FILIP1: variants seen among roughly 807,000 people sequenced by gnomAD.
FILIP1 encodes the protein filamin-A-interacting protein 1.
A neutral mutation model predicts 102.1 loss-of-function variants in FILIP1; 61 were observed. The ratio of observed to expected loss-of-function variants is 0.60; its 90% CI spans 0.49 to 0.74. The LOEUF (loss-of-function observed/expected upper bound fraction) is 0.74. Among genes scored for constraint, FILIP1 ranks in the 30% least tolerant of loss-of-function variants. FILIP1 has a pLI of 0.00. For synonymous variants in FILIP1, 491 were observed against 526.9 expected, an observed-to-expected ratio of 0.93 and a Z score of 0.93; for missense variants, 1,314 against 1,441.2, an observed-to-expected ratio of 0.91 and a Z score of 1.43.
intron 2 of FILIP1, among the ~76,000 whole-genome samples, chr6:75,407,668 T>C (rs1052558818): frequency 6.6e-6 from 1 of 152,178 alleles, no homozygotes; most frequent in Non-Finnish European, 1.5e-5. Context: ...CAACGCCAAA[T>C]GGAATAGTGG....
Position 75,313,231 on chromosome 6 carries a change from C to T in FILIP1, c.2601G>A (p.Lys867=). The T allele has an allele frequency of 1.2e-6, 2 of 1,614,188 alleles. No individual in the cohort carries two copies. Among genetic ancestry groups the T allele is most frequent in the Middle Eastern group, 1.6e-4 (1 of 6,062 alleles). ...TCTTTCTCATCCATGGAATCCAAGA[C>T]TTTCTCATAGTGAGCTCATTTGCTG... ...PPAANELTMR[K]SWIPWMRKRE... Residue 867 remains lysine, a synonymous_variant, in exon 5 of 6, where the codon AAG becomes AAA. Transcript: ENST00000237172. The surrounding 1 kb of genome is among the most constrained non-coding windows in gnomAD (Gnocchi z 4.2).
At chr6:75,318,384 T>C (rs1259573142) in intron 4 of FILIP1, among the ~76,000 whole-genome samples, 3 of 151,872 alleles carry the variant, frequency 2.0e-5, no homozygotes, top group Admixed American at 1.3e-4. Context: ...TACAGGCACA[T>C]AGCACATGCC....
intron 2 of FILIP1, among the ~76,000 whole-genome samples, chr6:75,379,437 G>C (rs1775837637): frequency 6.6e-6 from 1 of 152,090 alleles, no homozygotes; most frequent in Non-Finnish European, 1.5e-5. Flanking sequence ...AGAGAGAGAG[G>C]TCTATCATTG....
At chr6:75,437,371 G>A (rs1381289439) in intron 1 of FILIP1, among the ~76,000 whole-genome samples, 1 of 152,214 alleles carries the variant, frequency 6.6e-6, no homozygotes, top group African/African-American at 2.4e-5. Context: ...ATTTTGAACT[G>A]CAGTCAATGT....
Position 75,362,824 on chromosome 6 carries a change from G to T in FILIP1, c.370C>A (p.Leu124Met). 1 of 1,613,838 alleles carries T rather than the reference G, an allele frequency of 6.2e-7. No individual in the cohort carries two copies. The highest frequency in any genetic ancestry group is 8.5e-7 in the Non-Finnish European group (1 of 1,180,002). Residue 124 changes from leucine (L) to methionine (M), a missense_variant, in exon 3 of 6, where the codon CTG becomes ATG. Physicochemically the swap from Leu to Met is conservative, Grantham distance 15. Transcript: ENST00000237172. Reference sequence around the variant, plus strand: ...ATGGCATCTCGGTGCAGGACCCGCAGCACTTTCTCTGGCTCCGCAGACCCG... The same window carrying T: ...ATGGCATCTCGGTGCAGGACCCGCATCACTTTCTCTGGCTCCGCAGACCCG... Reference protein sequence around the residue: ...HYGSAEPEKVLRVLHRDAILA... With the variant: ...HYGSAEPEKVMRVLHRDAILA...
intron 2 of FILIP1, among the ~76,000 whole-genome samples, chr6:75,405,909 T>C (rs534334991): frequency 1.3e-5 from 2 of 152,108 alleles, no homozygotes; most frequent in African/African-American, 2.4e-5. Context: ...AGTTTAAAAG[T>C]AGAAGGCAAA....
intron 1 of FILIP1, among the ~76,000 whole-genome samples, chr6:75,438,621 A>G (rs1202476365): frequency 1.3e-5 from 2 of 152,206 alleles, no homozygotes; most frequent in African/African-American, 4.8e-5. Context: ...ATCTTGGTGC[A>G]ATTGGATTAG....
chr6:75,412,172 G>T (rs1777094432), intron 2 of FILIP1, among the ~76,000 whole-genome samples: 1 of 152,054 alleles, frequency 6.6e-6, no homozygotes, highest in African/African-American at 2.4e-5. Context: ...TACTCTCTTT[G>T]TAGCAATTGT....
intron 1 of FILIP1, among the ~76,000 whole-genome samples, chr6:75,437,844 T>C (rs567072142): frequency 3.9e-4 from 59 of 152,352 alleles, no homozygotes; most frequent in African/African-American, 1.4e-3. Flanking sequence ...TCAAAGAAAG[T>C]AGCTGCTTGC....
At position 75,312,650 on chromosome 6, in the gene FILIP1, G is replaced by A; in HGVS notation, c.3182C>T (p.Thr1061Ile). The change falls in exon 5 of 6, where the codon ACC (threonine) becomes ATC (isoleucine). Residue 1061 changes from threonine (T) to isoleucine (I), a missense_variant. Thr to Ile is a moderately conservative substitution (Grantham distance 89). Around this residue, in one of 3 missense-constraint regions of FILIP1, gnomAD observed 816 missense variants for 913.1 expected, o/e 0.89. Coordinates refer to ENST00000237172, the MANE Select transcript of FILIP1 (RefSeq NM_015687.5). Reference sequence around the variant, plus strand: ...AATGTGAATTTTATTGTCCTCTGTGGTTATGATATTGGCATTGGAGTTGTA... The same window carrying A: ...AATGTGAATTTTATTGTCCTCTGTGATTATGATATTGGCATTGGAGTTGTA... ...RKYNSNANII[T>I]TEDNKIHIHL... The A allele has an allele frequency of 6.2e-7, 1 of 1,614,200 alleles. No individual in the cohort carries two copies. The highest frequency in any genetic ancestry group is 8.5e-7 in the Non-Finnish European group (1 of 1,180,046).
intron 1 of FILIP1, among the ~76,000 whole-genome samples, chr6:75,489,997 A>G (rs902924872): frequency 6.6e-6 from 1 of 152,076 alleles, no homozygotes; most frequent in Non-Finnish European, 1.5e-5. Context: ...TAAAGAGGGA[A>G]GATTAGACAA....
intron 6 of FILIP1, among the ~76,000 whole-genome samples, chr6:75,299,992 G>A (rs535897487): frequency 6.6e-6 from 1 of 152,158 alleles, no homozygotes; most frequent in Admixed American, 6.5e-5. Context: ...TTAGAATTCT[G>A]TTTCCTCCCA....
intron 4 of FILIP1, among the ~76,000 whole-genome samples, chr6:75,341,212 G>A (rs1774411513): frequency 6.7e-6 from 1 of 150,002 alleles, no homozygotes; most frequent in Non-Finnish European, 1.5e-5. Context: ...CCAGGCTGGA[G>A]TGCAGTGGTG....
intron 1 of FILIP1, among the ~76,000 whole-genome samples, chr6:75,483,621 T>C (rs754905225): frequency 6.6e-6 from 1 of 152,116 alleles, no homozygotes; most frequent in Non-Finnish European, 1.5e-5. Context: ...TTGCCTCCAA[T>C]TGGGCCAGTC....
chr6:75,341,160 T>C (rs1315730284), intron 4 of FILIP1, among the ~76,000 whole-genome samples: 1 of 150,794 alleles, frequency 6.6e-6, no homozygotes, highest in Non-Finnish European at 1.5e-5. Context: ...TTGTTTTGTT[T>C]TTTTTTTTTG....
At chr6:75,428,108 T>C (rs1008107229) in intron 1 of FILIP1, among the ~76,000 whole-genome samples, 1 of 152,182 alleles carries the variant, frequency 6.6e-6, no homozygotes, top group Non-Finnish European at 1.5e-5. Flanking sequence ...TTTTTCCTCC[T>C]CTTCCCTCTC....
At chr6:75,445,350 C>A (rs1011259226) in intron 1 of FILIP1, among the ~76,000 whole-genome samples, 1 of 152,118 alleles carries the variant, frequency 6.6e-6, no homozygotes, top group Non-Finnish European at 1.5e-5. Context: ...GCACCCTATA[C>A]TGAACTATGT....
intron 1 of FILIP1, among the ~76,000 whole-genome samples, chr6:75,438,742 T>C (rs1482396046): frequency 3.3e-5 from 5 of 152,028 alleles, no homozygotes; most frequent in Non-Finnish European, 7.4e-5. Flanking sequence ...ATGTAAAAAA[T>C]GTGGACTGAT....
chr6:75,353,546 G>A lies in FILIP1; in HGVS notation c.622C>T (p.Arg208Trp), dbSNP rs1411852676. ...DDFTNLLEQE[R>W]ERLKKLLEQE... The stretch of plus-strand genomic sequence containing the variant: ...GGTGTGTGTGCACATTACCTCTCCC[G>A]CTCCTGCTCCAGCAGGTTGGTGAAG... The change falls in exon 4 of 6, where the codon CGG becomes TGG. Residue 208 changes from arginine to tryptophan, a missense_variant. Around this residue, in one of 3 missense-constraint regions of FILIP1, gnomAD observed 494 missense variants for 511.2 expected, o/e 0.97. Coordinates refer to ENST00000237172, the MANE Select transcript of FILIP1 (RefSeq NM_015687.5). 5.0e-6 allele frequency: 8 copies of A among 1,613,940 alleles called. No individual in the cohort carries two copies. Among genetic ancestry groups the A allele is most frequent in the Middle Eastern group, 1.6e-4 (1 of 6,080 alleles).
Sources: allele counts gnomAD v4.1 joint callset (sites outside exome capture counted in the v4.1 genomes callset), GRCh38; gene constraint gnomAD v4.1.1; regional missense constraint gnomAD v4.1.1; non-coding constraint Gnocchi (gnomAD v3.1); transcripts MANE v1.5; gene names NCBI Gene and HGNC (gene_info 2026-07-23, HGNC 2026-07-21).